TGFBRAP1: variants seen among roughly 807,000 people sequenced by gnomAD.
TGFBRAP1 encodes the protein transforming growth factor-beta receptor-associated protein 1.
In TGFBRAP1, 20 loss-of-function variants were observed where a neutral mutation model predicts 83.2. The observed-to-expected ratio is 0.24, with a 90% CI of 0.17 to 0.35. The LOEUF is 0.35. Among genes scored for constraint, TGFBRAP1 ranks in the 10% least tolerant of loss-of-function variants. TGFBRAP1 has a pLI of 1.00. For synonymous variants in TGFBRAP1, 415 were observed against 459.8 expected (o/e 0.90, Z 1.25); for missense variants, 950 against 1,099.4 (o/e 0.86, Z 1.92).
chr2:105,314,827 G>A lies in TGFBRAP1; in HGVS notation c.-17-6509C>T, dbSNP rs555332592. Among the ~76,000 whole-genome samples, 10 of 151,584 alleles carry A rather than the reference G, an allele frequency of 6.6e-5. No individual in the cohort carries two copies. The South Asian group carries it at 8.3e-4, about 13-fold the overall frequency. ...TAGCCAGGCGTGGTGGCAGGCACCTGTAATCCCAGCTACTTGGGAGGCTGA... is the reference window on the plus strand; with the variant it reads ...TAGCCAGGCGTGGTGGCAGGCACCTATAATCCCAGCTACTTGGGAGGCTGA... On this transcript the variant is annotated intron_variant, in intron 1 of 11. Coordinates refer to ENST00000393359, the MANE Select transcript of TGFBRAP1 (RefSeq NM_004257.6).
intron 5 of TGFBRAP1, 128 bp from the exon 6 acceptor site, chr2:105,280,851 T>A: frequency 1.9e-6 from 2 of 1,035,632 alleles, no homozygotes; most frequent in South Asian, 1.7e-5. Flanking sequence ...GGGGACAGGG[T>A]AATCATGTCA....
the TGFBRAP1 span, among the ~76,000 whole-genome samples, chr2:105,255,296 C>T: frequency 2.6e-5 from 4 of 152,148 alleles, no homozygotes; most frequent in African/African-American, 7.2e-5. Flanking sequence ...GTAAACAGCT[C>T]GCCCACAAGC....
chr2:105,256,702 C>T, the TGFBRAP1 span, among the ~76,000 whole-genome samples: 1 of 152,194 alleles, frequency 6.6e-6, no homozygotes, highest in African/African-American at 2.4e-5. Flanking sequence ...TCAGAGGCGT[C>T]TGAACCAGAG....
chr2:105,272,371 A>G (rs1249722076), intron 10 of TGFBRAP1, among the ~76,000 whole-genome samples: 1 of 152,226 alleles, frequency 6.6e-6, no homozygotes, highest in Non-Finnish European at 1.5e-5. Context: ...AGCCTTGATC[A>G]GAGACTGAAG....
intron 2 of TGFBRAP1, among the ~76,000 whole-genome samples, chr2:105,304,052 A>C (rs894897628): frequency 2.2e-4 from 33 of 152,218 alleles, no homozygotes; most frequent in African/African-American, 8.0e-4. Context: ...AAATACTTAA[A>C]CATAAGTGTA....
At chr2:105,279,613 C>T (rs1190791928) in intron 6 of TGFBRAP1, among the ~76,000 whole-genome samples, 1 of 152,040 alleles carries the variant, frequency 6.6e-6, no homozygotes, top group Non-Finnish European at 1.5e-5. Context: ...CAAGAAGCCT[C>T]CCTTTGAATC....
At chr2:105,252,573 G>C in the TGFBRAP1 span, among the ~76,000 whole-genome samples, 1 of 152,066 alleles carries the variant, frequency 6.6e-6, no homozygotes, top group Non-Finnish European at 1.5e-5. Context: ...CATTCCCCAG[G>C]ATGATGATCC....
chr2:105,278,474 G>T (rs1558632460), intron 6 of TGFBRAP1, among the ~76,000 whole-genome samples: 1 of 152,130 alleles, frequency 6.6e-6, no homozygotes, highest in Non-Finnish European at 1.5e-5. Context: ...GAGCGTCCTG[G>T]GGGAGAGTGC....
rs546735240 is a variant in TGFBRAP1 at position 105,282,830 on chromosome 2, C to T, written c.1121+1486G>A. On this transcript the variant is annotated intron_variant, in intron 5 of 11. Coordinates refer to ENST00000393359, the MANE Select transcript of TGFBRAP1 (RefSeq NM_004257.6). The stretch of plus-strand genomic sequence containing the variant: ...GACAGAATGAGATGCTGCTTCAAAA[C>T]GAAAAAAAAAAAAAAAATCCGTTCT... Among the ~76,000 whole-genome samples the T allele has an allele frequency of 8.8e-4, 78 of 88,282 alleles. 1 individual carries two copies. Among genetic ancestry groups the T allele is most frequent in the African/African-American group, 1.5e-3 (44 of 28,806 alleles). The allele number at this position is 88,282 out of a possible 152,430, so 57.9% of individuals were successfully genotyped here.
At chr2:105,258,773 ACT>A in the TGFBRAP1 span, among the ~76,000 whole-genome samples, 3 of 125,302 alleles carry the variant, frequency 2.4e-5, no homozygotes, top group Non-Finnish European at 5.2e-5. Context: ...ACACACACAC[ACT>A]GTCTCTCTCT....
At chr2:105,310,182 C>T (rs1678646316) in intron 1 of TGFBRAP1, among the ~76,000 whole-genome samples, 2 of 152,130 alleles carry the variant, frequency 1.3e-5, no homozygotes, top group East Asian at 1.9e-4. Flanking sequence ...GATTGTTGGA[C>T]GATTAAGTAA....
chr2:105,326,556 G>T (rs1679231213), intron 1 of TGFBRAP1, among the ~76,000 whole-genome samples: 1 of 152,042 alleles, frequency 6.6e-6, no homozygotes, highest in African/African-American at 2.4e-5. Context: ...TGTCTCTATA[G>T]AAGAATACAA....
chr2:105,291,318 G>A lies in TGFBRAP1; in HGVS notation c.1038+5038C>T, dbSNP rs13415223. On this transcript the variant is annotated intron_variant, in intron 4 of 11. Transcript: ENST00000393359. ...AGCTGGCCATCCCCAGACTCCAAAC[G>A]TACAGACACCTGGATCTTGGCCTCC... 4.6e-5 allele frequency among the ~76,000 whole-genome samples: 7 copies of A among 152,260 alleles called. No individual in the cohort carries two copies. The South Asian group carries it at 8.3e-4, about 18-fold the overall frequency.
intron 9 of TGFBRAP1, 48 bp from the exon 10 acceptor site, chr2:105,273,062 G>T: frequency 6.3e-7 from 1 of 1,591,958 alleles, no homozygotes. Context: ...TTTTCAAGTG[G>T]GAAAGTCAAA....
At chr2:105,282,567 G>A (rs550729313) in intron 5 of TGFBRAP1, among the ~76,000 whole-genome samples, 5 of 152,180 alleles carry the variant, frequency 3.3e-5, no homozygotes, top group Non-Finnish European at 7.3e-5. Flanking sequence ...GCTCATGGCT[G>A]TGATCTCACC....
Position 105,298,837 on chromosome 2 carries a change from G to A in TGFBRAP1, c.689-132C>T, listed in dbSNP as rs573189875. 69 of 789,384 alleles carry A rather than the reference G, an allele frequency of 8.7e-5. No homozygotes were observed. In the South Asian group the frequency reaches 1.1e-3, roughly 12 times the overall value. The allele number at this position is 789,384 out of a possible 1,614,324, so 48.9% of individuals were successfully genotyped here. ...TGTACAGTCTTATATTTCAAGGAAG[G>A]AAAAACAATATAATATGCTGTATGT... On this transcript the variant is annotated intron_variant, in intron 2 of 11. Transcript: ENST00000393359.
chr2:105,319,138 G>A (rs889268825), intron 1 of TGFBRAP1, among the ~76,000 whole-genome samples: 3 of 152,010 alleles, frequency 2.0e-5, no homozygotes, highest in African/African-American at 4.8e-5. Context: ...TTGGCTCACT[G>A]CAACATCTGC....
intron 2 of TGFBRAP1, among the ~76,000 whole-genome samples, chr2:105,306,333 A>T (rs901004964): frequency 6.6e-6 from 1 of 151,688 alleles, no homozygotes; most frequent in African/African-American, 2.4e-5. Context: ...AAGTGCTGGG[A>T]TTATAGGCGT....
At chr2:105,273,494 A>G in intron 9 of TGFBRAP1, 50 bp downstream of exon 9, 1 of 1,603,138 alleles carries the variant, frequency 6.2e-7, no homozygotes, top group Non-Finnish European at 8.5e-7. Context: ...TTCTAGTTCA[A>G]TTCCGTCTCT....
Sources: gnomAD v4.1 joint callset for allele counts (sites outside exome capture counted in the v4.1 genomes callset) on GRCh38, gnomAD v4.1.1 for gene constraint, MANE v1.5 for transcripts, NCBI Gene and HGNC (gene_info 2026-07-23, HGNC 2026-07-21) for gene names.